KCNT1: variants seen among roughly 807,000 people sequenced by gnomAD.
The protein encoded by KCNT1 is potassium channel subfamily T member 1.
KCNT1 carries 78 observed loss-of-function variants against 147.8 expected under a neutral mutation model. The observed-to-expected ratio is 0.53, with a 90% CI of 0.44 to 0.64. KCNT1 has a LOEUF of 0.64. Among genes scored for constraint, KCNT1 ranks in the 30% least tolerant of loss-of-function variants. KCNT1 has a pLI of 0.00. For missense variants in KCNT1, 1,419 were observed against 1,750.3 expected (o/e 0.81, Z 3.38); for synonymous variants, 867 against 748.8 (o/e 1.16, Z -2.58).
In KCNT1 at chr9:135,752,746, AATAG is replaced by A. The variant is rs1359803109; in HGVS notation, c.435-1188_435-1185del. Among the ~76,000 whole-genome samples the A allele has an allele frequency of 3.4e-5, 5 of 147,360 alleles. No individual in the cohort carries two copies. Among genetic ancestry groups the A allele is most frequent in the Admixed American group, 6.7e-5 (1 of 14,918 alleles). Reference sequence around the variant, plus strand: ...GGTGGGTAGATGGATGGATGGATGGAATAGATGGATGGAGGGATGAGTGGATGGG... The same window carrying A: ...GGTGGGTAGATGGATGGATGGATGGAATGGATGGAGGGATGAGTGGATGGG... On this transcript the variant is annotated intron_variant, in intron 4 of 30. Coordinates refer to ENST00000371757, the MANE Select transcript of KCNT1 (RefSeq NM_020822.3). This position sits in a 1 kb window ranked among gnomAD's most constrained non-coding sequence, Gnocchi z 5.1.
At chr9:135,707,514 C>G (rs1281953714) in intron 1 of KCNT1, among the ~76,000 whole-genome samples, 1 of 152,110 alleles carries the variant, frequency 6.6e-6, no homozygotes, top group Non-Finnish European at 1.5e-5. Context: ...GGCTGTGGGC[C>G]GATGCAGCTG....
chr9:135,792,485 C>A lies in KCNT1; in HGVS notation c.*324C>A, dbSNP rs574839675. 1.7e-5 allele frequency: 4 copies of A among 238,946 alleles called. No homozygotes were observed. The highest frequency in any genetic ancestry group is 2.5e-5 in the Non-Finnish European group (3 of 120,558). The allele number at this position is 238,946 out of a possible 1,614,324, so 14.8% of individuals were successfully genotyped here. A position where few individuals can be genotyped will look rare whatever the true frequency, so the allele number is the denominator to read the frequency against. ...GCAGGGACTGGACGCCCTACAGGGC[C>A]GAGCCCAGGCTGTGCTGGAGGGTGG... On this transcript the variant is annotated 3_prime_UTR_variant, in exon 31 of 31. Coordinates refer to ENST00000371757, the MANE Select transcript of KCNT1 (RefSeq NM_020822.3).
intron 12 of KCNT1, 52 bp from the exon 13 acceptor site, chr9:135,765,572 C>T (rs1042132669): frequency 5.7e-5 from 90 of 1,569,988 alleles, no homozygotes; most frequent in Middle Eastern, 2.2e-4. Context: ...CAGGGCCGCC[C>T]GGGCGGGGCA....
At chr9:135,762,417 C>T (rs1271015144) in intron 11 of KCNT1, among the ~76,000 whole-genome samples, 1 of 151,902 alleles carries the variant, frequency 6.6e-6, no homozygotes, top group African/African-American at 2.4e-5. Flanking sequence ...CGCACTCTAG[C>T]CTATGCAACA....
At chr9:135,721,368 A>C (rs781171191) in intron 2 of KCNT1, among the ~76,000 whole-genome samples, 2 of 152,152 alleles carry the variant, frequency 1.3e-5, no homozygotes, top group African/African-American at 2.4e-5. Flanking sequence ...GCGTACTAAT[A>C]GGGCAGGGAG....
At chr9:135,781,676 T>C (rs1474029540) in intron 24 of KCNT1, among the ~76,000 whole-genome samples, 1 of 149,824 alleles carries the variant, frequency 6.7e-6, no homozygotes, top group African/African-American at 2.5e-5. Flanking sequence ...TTACCCCAAA[T>C]CCCTGCAGCC....
intron 2 of KCNT1, among the ~76,000 whole-genome samples, chr9:135,739,595 C>T (rs1039710504): frequency 2.0e-5 from 3 of 152,140 alleles, no homozygotes; most frequent in Non-Finnish European, 4.4e-5. Context: ...GTGTTCACAC[C>T]GGCTCGGCAC....
chr9:135,789,473 G>A (rs1397216318), intron 29 of KCNT1: 1 of 152,492 alleles, frequency 6.6e-6, no homozygotes, highest in East Asian at 1.9e-4. Flanking sequence ...AGCGGGAGGA[G>A]GCACCCCAGC....
chr9:135,738,351 G>A (rs1272856742), intron 2 of KCNT1, among the ~76,000 whole-genome samples: 1 of 152,218 alleles, frequency 6.6e-6, no homozygotes, highest in African/African-American at 2.4e-5. Context: ...CAGCCCCTGG[G>A]CCTGGAGCAT....
At chr9:135,716,486 T>A (rs528414228) in intron 2 of KCNT1, among the ~76,000 whole-genome samples, 1 of 152,278 alleles carries the variant, frequency 6.6e-6, no homozygotes, top group Non-Finnish European at 1.5e-5. Context: ...AAAACAGAAT[T>A]TACCGTTAGT....
At chr9:135,761,672 C>T (rs375308683) in intron 11 of KCNT1, among the ~76,000 whole-genome samples, 85 of 152,348 alleles carry the variant, frequency 5.6e-4, no homozygotes, top group East Asian at 3.9e-3. Context: ...ACCACGTGGC[C>T]GGCACCTGCT....
At position 135,770,563 on chromosome 9, in the gene KCNT1, G is replaced by C. The variant is rs1832682985; in HGVS notation, c.1769+116G>C. 9.8e-6 allele frequency: 13 copies of C among 1,324,396 alleles called. No individual in the cohort carries two copies. In the South Asian group the frequency reaches 1.7e-4, roughly 18 times the overall value. 82.0% of individuals were successfully genotyped at this position (1,324,396 alleles called of 1,614,324 possible). On this transcript the variant is annotated intron_variant, in intron 17 of 30. Coordinates refer to ENST00000371757, the MANE Select transcript of KCNT1 (RefSeq NM_020822.3). ...CTGGGGCGGGGCTGCAGAGGGCTCG[G>C]GGGAGGGCATCAGGTCATCCTGCCT... is the stretch of plus-strand genomic sequence containing the variant.
intron 2 of KCNT1, among the ~76,000 whole-genome samples, chr9:135,731,831 T>A (rs1836444028): frequency 6.6e-6 from 1 of 151,418 alleles, no homozygotes; most frequent in South Asian, 2.1e-4. Flanking sequence ...TTCTTTACCC[T>A]CAGCTGAGGA....
At chr9:135,754,874 C>T (rs1831384141) in intron 5 of KCNT1, among the ~76,000 whole-genome samples, 1 of 152,210 alleles carries the variant, frequency 6.6e-6, no homozygotes, top group Non-Finnish European at 1.5e-5. Context: ...TGGGCCCTGG[C>T]CTCACAAGCA....
intron 1 of KCNT1, among the ~76,000 whole-genome samples, chr9:135,708,700 T>C (rs568154659): frequency 6.6e-6 from 1 of 152,322 alleles, no homozygotes; most frequent in African/African-American, 2.4e-5. Flanking sequence ...ACAGGCACCA[T>C]GCCTGGATAA....
At chr9:135,748,997 G>A (rs748513998) in intron 2 of KCNT1, among the ~76,000 whole-genome samples, 4 of 152,236 alleles carry the variant, frequency 2.6e-5, no homozygotes, top group Non-Finnish European at 5.9e-5. Flanking sequence ...GCACCCCAGG[G>A]CACGGGCCGT....
chr9:135,783,552 A>G (rs536652756), intron 24 of KCNT1, among the ~76,000 whole-genome samples: 1 of 152,244 alleles, frequency 6.6e-6, no homozygotes, highest in Non-Finnish European at 1.5e-5. Context: ...CAGTGGGTCC[A>G]TTGCAAGCCT....
intron 1 of KCNT1, among the ~76,000 whole-genome samples, chr9:135,702,780 G>A (rs1835084119): frequency 6.6e-6 from 1 of 152,082 alleles, no homozygotes. Flanking sequence ...GCAGTGCTCG[G>A]CCAGGGTGGG....
At chr9:135,727,213 C>G (rs1356309701) in intron 2 of KCNT1, among the ~76,000 whole-genome samples, 1 of 64,330 alleles carries the variant, frequency 1.6e-5, no homozygotes, top group Non-Finnish European at 3.0e-5. Context: ...CTCCCTCTCC[C>G]TCTCTCTCTC....
Sources: allele counts gnomAD v4.1 joint callset (sites outside exome capture counted in the v4.1 genomes callset), GRCh38; gene constraint gnomAD v4.1.1; non-coding constraint Gnocchi (gnomAD v3.1); transcripts MANE v1.5; gene names NCBI Gene and HGNC (gene_info 2026-07-23, HGNC 2026-07-21).